Variants in CTNNA3 observed in about 807,000 individuals in gnomAD.
CTNNA3 encodes catenin alpha-3.
Under a neutral mutation model 95.7 loss-of-function variants are expected in CTNNA3, and 76 were observed. The ratio of observed to expected loss-of-function variants is 0.79; its 90% CI spans 0.66 to 0.96. The LOEUF (loss-of-function observed/expected upper bound fraction) is 0.96, where lower values mean the gene tolerates loss of function less well. CTNNA3 is among the 40% of genes least tolerant of loss of function. The probability of loss-of-function intolerance (pLI) is 0.00; values close to 1 mark genes in which losing one functional copy is unlikely to be tolerated. For missense variants in CTNNA3, 1,191 were observed against 1,089.8 expected, an observed-to-expected ratio of 1.09 and a Z score of -1.31; for synonymous variants, 431 against 374.4, an observed-to-expected ratio of 1.15 and a Z score of -1.74.
intron 7 of CTNNA3, chr10:67,099,406 C>A (rs1180738035): frequency 6.6e-6 from 1 of 150,856 alleles, no homozygotes; most frequent in Non-Finnish European, 1.5e-5. Context: ...TATATTCATG[C>A]CATCAAAAGT....
intron 7 of CTNNA3, among the ~76,000 whole-genome samples, chr10:67,018,268 C>T (rs4745923): frequency 0.9 from 137,328 of 152,140 alleles, 62,404 homozygotes; most frequent in South Asian, 0.97. Context: ...CCAACTACAG[C>T]AAATGTCTAT....
intron 5 of CTNNA3, among the ~76,000 whole-genome samples, chr10:67,384,840 T>C (rs1252640946): frequency 1.3e-5 from 2 of 152,222 alleles, no homozygotes; most frequent in Non-Finnish European, 2.9e-5. Flanking sequence ...GGAAAAAATA[T>C]TTAAGAAAGC....
At chr10:66,855,630 C>A (rs2132394828) in intron 7 of CTNNA3, among the ~76,000 whole-genome samples, 1 of 152,014 alleles carries the variant, frequency 6.6e-6, no homozygotes, top group Admixed American at 6.6e-5. Flanking sequence ...CATATTATTA[C>A]CATTCCCCAT....
chr10:67,739,452 A>C (rs1364256093), intron 1 of CTNNA3, among the ~76,000 whole-genome samples: 2 of 152,212 alleles, frequency 1.3e-5, no homozygotes, highest in Non-Finnish European at 2.9e-5. Flanking sequence ...AAGCAACTTC[A>C]GCAAAGTCTC....
chr10:67,193,917 T>A (rs10762149), intron 6 of CTNNA3, among the ~76,000 whole-genome samples: 55,386 of 151,918 alleles, frequency 0.36, 14,434 homozygotes, highest in African/African-American at 0.74. Flanking sequence ...TGAACTAATT[T>A]AGGCTCCCAC....
intron 5 of CTNNA3, among the ~76,000 whole-genome samples, chr10:67,439,863 A>C (rs955681740): frequency 2.6e-5 from 4 of 152,162 alleles, no homozygotes; most frequent in African/African-American, 7.2e-5. Context: ...CCTTGGGTGA[A>C]ACTCTGAGAC....
intron 13 of CTNNA3, among the ~76,000 whole-genome samples, chr10:66,241,374 A>T: frequency 6.6e-6 from 1 of 152,200 alleles, no homozygotes; most frequent in East Asian, 1.9e-4. Context: ...AAGTTAAAAA[A>T]TTAAGGAAAA....
intron 2 of CTNNA3, among the ~76,000 whole-genome samples, chr10:67,610,194 G>A (rs1479862663): frequency 3.3e-5 from 5 of 152,114 alleles, no homozygotes; most frequent in Non-Finnish European, 7.4e-5. Flanking sequence ...TCCTCCATGC[G>A]CCAAATGTTT....
At chr10:67,745,298 G>A (rs1361795115) in intron 1 of CTNNA3, among the ~76,000 whole-genome samples, 1 of 151,938 alleles carries the variant, frequency 6.6e-6, no homozygotes, top group Non-Finnish European at 1.5e-5. Flanking sequence ...AGAAAATTTG[G>A]CACATATACA....
In CTNNA3 at chr10:67,639,840, A is replaced by G. The variant is rs145430479; in HGVS notation, c.99+7575T>C. On this transcript the variant is annotated intron_variant, in intron 2 of 17. Coordinates refer to ENST00000433211, the MANE Select transcript of CTNNA3 (RefSeq NM_013266.4). ...GCTAAAAACTCTCAATAAATTACGT[A>G]TTGATGGGACATATCTCAACATAAT... is the stretch of plus-strand genomic sequence containing the variant. 2.6e-5 allele frequency among the ~76,000 whole-genome samples: 4 copies of G among 152,318 alleles called. No individual in the cohort carries two copies. The East Asian group carries it at 7.7e-4, about 29-fold the overall frequency.
chr10:66,556,778 T>A (rs1201026751), intron 10 of CTNNA3, among the ~76,000 whole-genome samples: 1 of 151,994 alleles, frequency 6.6e-6, no homozygotes. Context: ...TTATATAAGA[T>A]GAATAGGTCT....
chr10:67,552,311 C>CT (rs1337086943), intron 3 of CTNNA3, among the ~76,000 whole-genome samples: 1 of 152,094 alleles, frequency 6.6e-6, no homozygotes, highest in Non-Finnish European at 1.5e-5. Context: ...CAGCCAAATC[C>CT]TTGAGCCAAC....
Position 66,360,774 on chromosome 10 carries a change from T to C in CTNNA3, c.1732+18378A>G, listed in dbSNP as rs1190165187. ...TTCCTTCCTTCCTTCCTTCCTTTTC[T>C]TTCTTTCTTTCTTCCTTCCTTCCTT... On this transcript the variant is annotated intron_variant, in intron 12 of 17. Transcript: ENST00000433211. 8.3e-4 allele frequency among the ~76,000 whole-genome samples: 41 copies of C among 49,178 alleles called. 3 individuals carry two copies. The highest frequency in any genetic ancestry group is 2.8e-3 in the African/African-American group (36 of 12,800). The allele number at this position is 49,178 out of a possible 152,430, so 32.3% of individuals were successfully genotyped here.
intron 1 of CTNNA3, among the ~76,000 whole-genome samples, chr10:67,726,415 A>AATATTATATATGATATTATAT (rs1564841102): frequency 1.7e-5 from 1 of 58,970 alleles, no homozygotes; most frequent in Non-Finnish European, 2.5e-5. Flanking sequence ...TATCATATAT[A>AATATTATATATGATATTATAT]ATATTATATA....
At chr10:66,257,766 C>A (rs529438544) in intron 13 of CTNNA3, among the ~76,000 whole-genome samples, 5 of 152,276 alleles carry the variant, frequency 3.3e-5, no homozygotes, top group Admixed American at 6.5e-5. Flanking sequence ...CCTTGCAACT[C>A]TCATTTTAGC....
chr10:66,503,871 C>T (rs991978812), intron 11 of CTNNA3, among the ~76,000 whole-genome samples: 6 of 151,926 alleles, frequency 3.9e-5, no homozygotes, highest in Admixed American at 1.3e-4. Context: ...TTAGTAAGAA[C>T]GATAGGCAGT....
chr10:66,265,061 C>G (rs2091115181), intron 13 of CTNNA3, among the ~76,000 whole-genome samples: 1 of 152,032 alleles, frequency 6.6e-6, no homozygotes, highest in South Asian at 2.1e-4. Context: ...TCATCCAAAT[C>G]TACTTATCAC....
intron 7 of CTNNA3, among the ~76,000 whole-genome samples, chr10:66,998,350 A>C (rs1463577320): frequency 6.6e-6 from 1 of 152,200 alleles, no homozygotes; most frequent in Non-Finnish European, 1.5e-5. Flanking sequence ...AATATTTTTT[A>C]AAGCACAAGA....
chr10:66,127,602 T>C (rs2082887196), intron 13 of CTNNA3, among the ~76,000 whole-genome samples: 1 of 151,912 alleles, frequency 6.6e-6, no homozygotes, highest in African/African-American at 2.4e-5. Flanking sequence ...TTAAACGCAA[T>C]GTAATATCCT....
Sources: allele counts gnomAD v4.1 joint callset (sites outside exome capture counted in the v4.1 genomes callset), GRCh38; gene constraint gnomAD v4.1.1; transcripts MANE v1.5; gene names NCBI Gene and HGNC (gene_info 2026-07-23, HGNC 2026-07-21).